DGKB: variants seen among roughly 807,000 people sequenced by gnomAD.
The protein encoded by DGKB is 90 kDa diacylglycerol kinase.
Under a neutral mutation model 114.3 loss-of-function variants are expected in DGKB, and 67 were observed. The ratio of observed to expected loss-of-function variants is 0.59; its 90% CI spans 0.48 to 0.72. The LOEUF is 0.72. Ranked by LOEUF, DGKB falls within the 30% of genes least tolerant of loss-of-function variation. DGKB has a pLI of 0.00. For missense variants in DGKB, 907 were observed against 975.2 expected (o/e 0.93, Z 0.93); for synonymous variants, 398 against 323.1 (o/e 1.23, Z -2.49).
intron 2 of DGKB, among the ~76,000 whole-genome samples, chr7:14,815,419 T>G (rs1040193456): frequency 6.6e-6 from 1 of 152,256 alleles, no homozygotes; most frequent in Admixed American, 6.5e-5. Flanking sequence ...GGATATCTTT[T>G]GGCAAATCCA....
intron 20 of DGKB, among the ~76,000 whole-genome samples, chr7:14,516,106 C>T (rs989190200): frequency 1.3e-5 from 2 of 152,024 alleles, no homozygotes; most frequent in Non-Finnish European, 2.9e-5. Flanking sequence ...CCTTGGCCTC[C>T]CAAAGTGCTA....
At chr7:14,720,177 A>C (rs1036476591) in intron 5 of DGKB, among the ~76,000 whole-genome samples, 2 of 152,098 alleles carry the variant, frequency 1.3e-5, no homozygotes, top group Non-Finnish European at 2.9e-5. Flanking sequence ...TAACCTACTC[A>C]TATTCTATCC....
chr7:14,481,145 T>A (rs547038519), intron 20 of DGKB, among the ~76,000 whole-genome samples: 8 of 152,072 alleles, frequency 5.3e-5, no homozygotes, highest in African/African-American at 1.9e-4. Context: ...CATATATAAG[T>A]ATATGCAAAT....
chr7:14,661,846 G>A (rs867468075), intron 13 of DGKB, among the ~76,000 whole-genome samples: 346 of 151,976 alleles, frequency 2.3e-3, no homozygotes, highest in Middle Eastern at 6.8e-3. Flanking sequence ...AAAATGTGGC[G>A]CATATACACC....
At chr7:14,693,900 T>C (rs1452715662) in intron 9 of DGKB, among the ~76,000 whole-genome samples, 175 bp downstream of exon 9, 1 of 152,148 alleles carries the variant, frequency 6.6e-6, no homozygotes, top group Non-Finnish European at 1.5e-5. Flanking sequence ...GTGTGGCAAG[T>C]ATTACTACAC....
At chr7:14,335,529 C>A (rs555850874) in intron 23 of DGKB, among the ~76,000 whole-genome samples, 1 of 151,988 alleles carries the variant, frequency 6.6e-6, no homozygotes, top group African/African-American at 2.4e-5. Flanking sequence ...TAAGAAAGAA[C>A]AAGAAGAAAA....
At chr7:14,536,868 T>A (rs1282988395) in intron 20 of DGKB, among the ~76,000 whole-genome samples, 1 of 151,652 alleles carries the variant, frequency 6.6e-6, no homozygotes, top group Non-Finnish European at 1.5e-5. Context: ...GCATCCAAAT[T>A]AGATAAGAAG....
intron 21 of DGKB, among the ~76,000 whole-genome samples, chr7:14,381,778 T>C (rs1488870491): frequency 2.0e-5 from 3 of 152,144 alleles, no homozygotes; most frequent in African/African-American, 7.2e-5. Context: ...CCCAGCTTCC[T>C]CCTGTCTCTA....
At chr7:14,714,266 G>C (rs1198314951) in intron 6 of DGKB, among the ~76,000 whole-genome samples, 1 of 152,082 alleles carries the variant, frequency 6.6e-6, no homozygotes, top group Non-Finnish European at 1.5e-5. Context: ...ATTGCACATT[G>C]TAATCAAAGG....
intron 23 of DGKB, among the ~76,000 whole-genome samples, chr7:14,312,224 T>C (rs866203542): frequency 6.6e-5 from 10 of 152,202 alleles, no homozygotes; most frequent in Non-Finnish European, 1.3e-4. Context: ...ACCTGAAACA[T>C]TGACACAGTA....
intron 20 of DGKB, among the ~76,000 whole-genome samples, chr7:14,513,372 G>A (rs1788275332): frequency 6.6e-6 from 1 of 151,782 alleles, no homozygotes; most frequent in African/African-American, 2.4e-5. Context: ...AGCTTAACTT[G>A]CCTTTTCTGA....
intron 13 of DGKB, among the ~76,000 whole-genome samples, chr7:14,631,060 A>G (rs1054813395): frequency 6.6e-6 from 1 of 151,748 alleles, no homozygotes; most frequent in African/African-American, 2.4e-5. Context: ...GGGAGAAGAA[A>G]AGTTGGATGG....
intron 1 of DGKB, among the ~76,000 whole-genome samples, chr7:14,923,509 C>A (rs36855): frequency 0.13 from 19,650 of 152,180 alleles, 1,572 homozygotes; most frequent in Non-Finnish European, 0.19. Context: ...GACAAATTAT[C>A]TAAAATTATT....
intron 23 of DGKB, among the ~76,000 whole-genome samples, chr7:14,329,352 A>T (rs13233548): frequency 6.6e-6 from 1 of 151,670 alleles, no homozygotes; most frequent in Non-Finnish European, 1.5e-5. Context: ...ATATAAATAA[A>T]GAAGGTAAAA....
At chr7:14,642,749 AT>A (rs1299089254) in intron 13 of DGKB, among the ~76,000 whole-genome samples, 1 of 152,188 alleles carries the variant, frequency 6.6e-6, no homozygotes, top group African/African-American at 2.4e-5. Flanking sequence ...AACTTACTAC[AT>A]TTTATTTTGC....
chr7:14,437,815 T>C (rs1829504209), intron 21 of DGKB, among the ~76,000 whole-genome samples: 1 of 150,476 alleles, frequency 6.6e-6, no homozygotes, highest in East Asian at 1.9e-4. Flanking sequence ...AGGAAATGAC[T>C]ATAAGATTGT....
At chr7:14,701,117 T>C (rs1213268344) in intron 7 of DGKB, among the ~76,000 whole-genome samples, 2 of 152,182 alleles carry the variant, frequency 1.3e-5, no homozygotes, top group African/African-American at 4.8e-5. Context: ...TTCTTATTTT[T>C]TATGACTATA....
chr7:14,889,215 G>A (rs989858770), intron 1 of DGKB, among the ~76,000 whole-genome samples: 20 of 151,624 alleles, frequency 1.3e-4, no homozygotes, highest in African/African-American at 4.6e-4. Flanking sequence ...GTGAATAGAT[G>A]CTCCCTGAGG....
chr7:14,504,043 G>T (rs910941471), intron 20 of DGKB, among the ~76,000 whole-genome samples: 11 of 152,138 alleles, frequency 7.2e-5, no homozygotes, highest in African/African-American at 2.4e-4. Context: ...ATTATGATGT[G>T]CAGTTATGTT....
Sources: allele counts gnomAD v4.1 joint callset (sites outside exome capture counted in the v4.1 genomes callset), GRCh38; gene constraint gnomAD v4.1.1; transcripts MANE v1.5; gene names NCBI Gene and HGNC (gene_info 2026-07-23, HGNC 2026-07-21).